Variants in SRP54 observed in about 807,000 individuals in gnomAD.
SRP54 encodes the protein signal recognition particle 54.
In SRP54, 10 loss-of-function variants were observed where a neutral mutation model predicts 64.8. The ratio of observed to expected loss-of-function variants is 0.15; its 90% CI spans 0.10 to 0.26. The LOEUF is 0.26. SRP54 is among the 10% of genes least tolerant of loss of function. SRP54 has a pLI of 1.00. For missense variants in SRP54, 325 were observed against 613.7 expected (o/e 0.53, Z 4.97); for synonymous variants, 193 against 185.6 (o/e 1.04, Z -0.32).
intron 4 of SRP54, among the ~76,000 whole-genome samples, chr14:35,001,488 T>G (rs1052888345): frequency 3.3e-5 from 5 of 152,230 alleles, no homozygotes; most frequent in Admixed American, 2.6e-4. Flanking sequence ...TGAATATACA[T>G]AATTCTGAGT....
At chr14:35,016,609 A>G (rs2044442391) in intron 11 of SRP54, among the ~76,000 whole-genome samples, 1 of 152,186 alleles carries the variant, frequency 6.6e-6, no homozygotes, top group Non-Finnish European at 1.5e-5. Flanking sequence ...ACTGAGTTGG[A>G]ACCTTCTGAC....
At chr14:35,012,501 A>C (rs2044371183) in intron 8 of SRP54, among the ~76,000 whole-genome samples, 1 of 152,094 alleles carries the variant, frequency 6.6e-6, no homozygotes, top group African/African-American at 2.4e-5. Context: ...TTATGTTGTT[A>C]TTTTGACCAA....
intron 7 of SRP54, among the ~76,000 whole-genome samples, chr14:35,011,108 G>C (rs1246933898): frequency 6.6e-6 from 1 of 151,206 alleles, no homozygotes; most frequent in African/African-American, 2.4e-5. Context: ...TTTTTTTGTA[G>C]AGATGGAATC....
intron 13 of SRP54, among the ~76,000 whole-genome samples, chr14:35,020,817 CAT>C (rs1387556528): frequency 1.4e-4 from 21 of 152,174 alleles, no homozygotes; most frequent in African/African-American, 4.1e-4. Flanking sequence ...ACTCCTATGG[CAT>C]ATTCAGTTAT....
In SRP54 at chr14:34,988,578, A is replaced by AAAAAAAAT. The variant is rs1384552218; in HGVS notation, c.-34+5364_-34+5365insAAAAAATA. Among the ~76,000 whole-genome samples, 69 of 47,098 alleles carry AAAAAAAAT rather than the reference A, an allele frequency of 1.5e-3. 1 individual carries two copies. Among genetic ancestry groups the AAAAAAAAT allele is most frequent in the East Asian group, 6.3e-3 (13 of 2,072 alleles). The allele number at this position is 47,098 out of a possible 152,430, so 30.9% of individuals were successfully genotyped here. On this transcript the variant is annotated intron_variant, in intron 1 of 15. Coordinates refer to ENST00000216774, the MANE Select transcript of SRP54 (RefSeq NM_003136.4). ...TCCATCTCAAAAAAAAAAAAAAAAAAATATATATATATATATAACATATAT... is the reference window on the plus strand; with the variant it reads ...TCCATCTCAAAAAAAAAAAAAAAAAAAAAAAAATATATATATATATATATAACATATAT...
intron 1 of SRP54, among the ~76,000 whole-genome samples, chr14:34,987,246 A>ATATATATAT (rs759707249): frequency 1.8e-5 from 2 of 110,074 alleles, no homozygotes; most frequent in African/African-American, 7.3e-5. Context: ...AAAAAAAAAA[A>ATATATATAT]ATATATATAT....
intron 1 of SRP54, among the ~76,000 whole-genome samples, chr14:34,990,598 T>C (rs2043962356): frequency 6.6e-6 from 1 of 152,252 alleles, no homozygotes; most frequent in Admixed American, 6.5e-5. Context: ...TACAGATTTA[T>C]TTCTATAAAT....
intron 2 of SRP54, chr14:34,997,015 A>T (rs2044082720): frequency 2.4e-6 from 1 of 423,956 alleles, no homozygotes; most frequent in Non-Finnish European, 4.2e-6. Context: ...AATCGAAAAA[A>T]ACCTGACCTT....
At chr14:34,993,836 C>T (rs1034015561) in intron 1 of SRP54, among the ~76,000 whole-genome samples, 10 of 151,792 alleles carry the variant, frequency 6.6e-5, no homozygotes, top group Admixed American at 6.6e-5. Context: ...GCTGGCATTA[C>T]AGGCATGTGC....
At chr14:34,983,888 T>C (rs1212802573) in intron 1 of SRP54, among the ~76,000 whole-genome samples, 1 of 152,210 alleles carries the variant, frequency 6.6e-6, no homozygotes, top group African/African-American at 2.4e-5. Flanking sequence ...ACTAGTTGCA[T>C]ATAAAGAGCT....
chr14:35,001,953 T>C (rs961482714), intron 4 of SRP54, among the ~76,000 whole-genome samples: 1 of 151,444 alleles, frequency 6.6e-6, no homozygotes, highest in African/African-American at 2.4e-5. Context: ...GTAATCACAG[T>C]GCTTTGGGAG....
chr14:35,028,083 C>A lies in SRP54; in HGVS notation c.1328-5C>A. 1.3e-6 allele frequency: 2 copies of A among 1,592,872 alleles called. No individual in the cohort carries two copies. Among genetic ancestry groups the A allele is most frequent in the Non-Finnish European group, 8.5e-7 (1 of 1,171,246 alleles). Reference sequence around the variant, plus strand: ...GACTCAAAATCTTTTTTTTTTTCCCCTCAGGTGGCGACATGTCTAAGAATG... The same window carrying A: ...GACTCAAAATCTTTTTTTTTTTCCCATCAGGTGGCGACATGTCTAAGAATG... On this transcript the variant is annotated splice_polypyrimidine_tract_variant and splice_region_variant and intron_variant, in intron 14 of 15. Transcript: ENST00000216774.
At chr14:35,011,022 A>C (rs2044348807) in intron 7 of SRP54, among the ~76,000 whole-genome samples, 1 of 151,882 alleles carries the variant, frequency 6.6e-6, no homozygotes, top group Admixed American at 6.6e-5. Context: ...GAACTCATGG[A>C]CTCAAGTGGT....
chr14:34,985,205 G>A lies in SRP54; in HGVS notation c.-34+1990G>A, dbSNP rs112888653. Among the ~76,000 whole-genome samples the A allele has an allele frequency of 3.6e-4, 55 of 152,216 alleles. 1 individual carries two copies. The highest frequency in any genetic ancestry group is 5.9e-4 in the Admixed American group (9 of 15,280). On this transcript the variant is annotated intron_variant, in intron 1 of 15. Coordinates refer to ENST00000216774, the MANE Select transcript of SRP54 (RefSeq NM_003136.4). ...AAAATTAGCCAGGCTTAGTGGCGCC[G>A]CCTGTAGTCCCAGCTAGTTGGAGGG... is the stretch of plus-strand genomic sequence containing the variant.
At chr14:34,997,086 CT>C (rs1304937826) in intron 2 of SRP54, among the ~76,000 whole-genome samples, 3 of 151,966 alleles carry the variant, frequency 2.0e-5, no homozygotes, top group Admixed American at 6.6e-5. Context: ...TGGAACTGTA[CT>C]TTTGTTTTCT....
At position 35,029,362 on chromosome 14, in the gene SRP54, G is replaced by A; in HGVS notation, c.*210G>A. The A allele has an allele frequency of 2.4e-6, 1 of 412,478 alleles. No homozygotes were observed. The highest frequency in any genetic ancestry group is 4.3e-5 in the Admixed American group (1 of 23,400). 25.6% of individuals were successfully genotyped at this position (412,478 alleles called of 1,614,324 possible). On this transcript the variant is annotated 3_prime_UTR_variant, in exon 16 of 16. Transcript: ENST00000216774. ...TAAGGGAGAAATACATGGTTTTTGT[G>A]GAAATCATTATATGTTTGCTTTAGA...
Position 35,029,354 on chromosome 14 carries a change from G to A in SRP54, c.*202G>A, listed in dbSNP as rs764579286. ...CTTTAATATAAGGGAGAAATACATG[G>A]TTTTTGTGGAAATCATTATATGTTT... On this transcript the variant is annotated 3_prime_UTR_variant, in exon 16 of 16. Transcript: ENST00000216774. 4.8e-6 allele frequency: 2 copies of A among 416,556 alleles called. No individual in the cohort carries two copies. The highest frequency in any genetic ancestry group is 8.5e-6 in the Non-Finnish European group (2 of 234,990). 25.8% of individuals were successfully genotyped at this position (416,556 alleles called of 1,614,324 possible).
Position 35,018,962 on chromosome 14 carries a change from G to A in SRP54, c.1048-4G>A. ...TATTGACTTTATGTTTAAATCTGTT[G>A]TAGGGGATGATCCCTGGTTTTGGGA... On this transcript the variant is annotated splice_region_variant and splice_polypyrimidine_tract_variant and intron_variant, in intron 12 of 15. Transcript: ENST00000216774. 2 of 1,611,890 alleles carry A rather than the reference G, an allele frequency of 1.2e-6. No homozygotes were observed. Among genetic ancestry groups the A allele is most frequent in the Non-Finnish European group, 1.7e-6 (2 of 1,178,152 alleles).
Position 35,013,512 on chromosome 14 carries a change from T to G in SRP54, c.785+18T>G. On this transcript the variant is annotated intron_variant, in intron 9 of 15. Transcript: ENST00000216774. ...CTCAGTGCGTAAGTATCATTGATAC[T>G]GTTGTCCTCTGTCTTGGGATTATAT... The G allele has an allele frequency of 6.2e-7, 1 of 1,611,182 alleles. No individual in the cohort carries two copies. Among genetic ancestry groups the G allele is most frequent in the Non-Finnish European group, 8.5e-7 (1 of 1,178,760 alleles).
Sources: allele counts gnomAD v4.1 joint callset (sites outside exome capture counted in the v4.1 genomes callset), GRCh38; gene constraint gnomAD v4.1.1; transcripts MANE v1.5; gene names NCBI Gene and HGNC (gene_info 2026-07-23, HGNC 2026-07-21).